The following CDK14 variants were observed in gnomAD, a reference collection of about 807,000 sequenced individuals.
CDK14 encodes the protein cyclin-dependent kinase 14.
Under a neutral mutation model 60.7 loss-of-function variants are expected in CDK14, and 34 were observed. The ratio of observed to expected loss-of-function variants is 0.56; its 90% confidence interval spans 0.43 to 0.75. The LOEUF is 0.75. Ranked by LOEUF, CDK14 falls within the 30% of genes least tolerant of loss-of-function variation. CDK14 has a pLI of 0.00. For missense variants in CDK14, 482 were observed against 564.1 expected (o/e 0.85, Z 1.47); for synonymous variants, 197 against 203.7 (o/e 0.97, Z 0.28).
At chr7:90,662,694 C>T (rs1800888450) in intron 2 of CDK14, among the ~76,000 whole-genome samples, 1 of 152,198 alleles carries the variant, frequency 6.6e-6, no homozygotes, top group African/African-American at 2.4e-5. Context: ...AGGTGCTATG[C>T]ACCATGAGCT....
chr7:91,203,826 C>G (rs1263228109), intron 14 of CDK14, among the ~76,000 whole-genome samples: 1 of 152,164 alleles, frequency 6.6e-6, no homozygotes, highest in Admixed American at 6.5e-5. Flanking sequence ...GCTTGAAGTA[C>G]TATGAGGATG....
intron 10 of CDK14, among the ~76,000 whole-genome samples, chr7:91,028,508 G>A (rs1365464130): frequency 6.6e-6 from 1 of 152,164 alleles, no homozygotes; most frequent in African/African-American, 2.4e-5. Context: ...TCTCTATACT[G>A]TATTCCATAG....
chr7:91,148,373 C>CA (rs939034695), intron 14 of CDK14, among the ~76,000 whole-genome samples: 16 of 151,190 alleles, frequency 1.1e-4, no homozygotes, highest in Non-Finnish European at 2.4e-4. Context: ...ACCCTGTCTC[C>CA]AAAAAAAAGG....
chr7:90,885,892 C>T (rs1270134995), intron 6 of CDK14, among the ~76,000 whole-genome samples: 1 of 152,120 alleles, frequency 6.6e-6, no homozygotes, highest in East Asian at 1.9e-4. Context: ...AAGAACAAAA[C>T]ACACCAGGGC....
chr7:90,988,417 A>ACT (rs1341143434), intron 10 of CDK14, among the ~76,000 whole-genome samples: 1 of 152,156 alleles, frequency 6.6e-6, no homozygotes, highest in Non-Finnish European at 1.5e-5. Flanking sequence ...CCAAGCAGTA[A>ACT]CTCTGCTCTT....
intron 4 of CDK14, among the ~76,000 whole-genome samples, chr7:90,779,369 CAGCATCCTAAGT>C (rs1418757613): frequency 6.6e-6 from 1 of 152,192 alleles, no homozygotes; most frequent in Non-Finnish European, 1.5e-5. Flanking sequence ...TCCCCGACCT[CAGCATCCTAAGT>C]AGCTGGGACT....
chr7:90,732,795 T>G lies in CDK14; in HGVS notation c.369+5983T>G, dbSNP rs184194745. On this transcript the variant is annotated intron_variant, in intron 3 of 14. Coordinates refer to ENST00000380050, the MANE Select transcript of CDK14 (RefSeq NM_001287135.2). Reference sequence around the variant, plus strand: ...GTTGATCTTTCAAAAAACCAGCTCCTGTATTCAGTGATGTTTTGAAGAGTT... The same window carrying G: ...GTTGATCTTTCAAAAAACCAGCTCCGGTATTCAGTGATGTTTTGAAGAGTT... Among the ~76,000 whole-genome samples the G allele has an allele frequency of 3.3e-3, 498 of 152,328 alleles. 3 individuals carry two copies. The highest frequency in any genetic ancestry group is 0.011 in the African/African-American group (472 of 41,578).
Position 90,882,616 on chromosome 7 carries a change from C to A in CDK14, c.640-16675C>A, listed in dbSNP as rs62468472. Among the ~76,000 whole-genome samples the A allele has an allele frequency of 4.4e-3, 672 of 152,290 alleles. 5 individuals are homozygous for A. Among genetic ancestry groups the A allele is most frequent in the Non-Finnish European group, 5.6e-3 (380 of 68,014 alleles). On this transcript the variant is annotated intron_variant, in intron 6 of 14. Transcript: ENST00000380050. ...AGACCTAGTAGATATCTACAGAACTCTCTACCCCAAATCAACAGAATGTAC... is the reference window on the plus strand; with the variant it reads ...AGACCTAGTAGATATCTACAGAACTATCTACCCCAAATCAACAGAATGTAC...
intron 10 of CDK14, among the ~76,000 whole-genome samples, chr7:91,000,883 C>G (rs1795816918): frequency 1.3e-5 from 2 of 152,168 alleles, no homozygotes; most frequent in Admixed American, 6.5e-5. Flanking sequence ...CAGTGCATTT[C>G]TAAATGCCTT....
rs116974884 is a variant in CDK14, at chr7:90,997,200, C to T, written c.1041+12959C>T. On this transcript the variant is annotated intron_variant, in intron 10 of 14. Coordinates refer to ENST00000380050, the MANE Select transcript of CDK14 (RefSeq NM_001287135.2). ...TGCCTTGCACTGCAGCTGTTTTGCTCTTATTCTCCTAATAGAGTTTAGGAT... is the reference window on the plus strand; with the variant it reads ...TGCCTTGCACTGCAGCTGTTTTGCTTTTATTCTCCTAATAGAGTTTAGGAT... Among the ~76,000 whole-genome samples, 1,513 of 152,268 alleles carry T rather than the reference C, an allele frequency of 9.9e-3. 8 individuals are homozygous for T. The highest frequency in any genetic ancestry group is 0.044 in the Middle Eastern group (13 of 294).
chr7:91,032,070 G>T (rs981177216), intron 10 of CDK14, among the ~76,000 whole-genome samples: 1 of 152,154 alleles, frequency 6.6e-6, no homozygotes, highest in Admixed American at 6.5e-5. Flanking sequence ...CTCATAAAGG[G>T]TCATACATCC....
intron 14 of CDK14, among the ~76,000 whole-genome samples, chr7:91,175,482 C>T (rs1171512233): frequency 6.6e-6 from 1 of 152,038 alleles, no homozygotes; most frequent in Non-Finnish European, 1.5e-5. Context: ...TGTAAATGGA[C>T]TAAATGCTCC....
chr7:90,729,037 T>A (rs1802745791), intron 3 of CDK14, among the ~76,000 whole-genome samples: 1 of 141,042 alleles, frequency 7.1e-6, no homozygotes, highest in Non-Finnish European at 1.5e-5. Context: ...TTTCTCATGA[T>A]TTTTTTTTTT....
chr7:90,710,785 T>G (rs947665279), intron 2 of CDK14, among the ~76,000 whole-genome samples: 2 of 152,064 alleles, frequency 1.3e-5, no homozygotes, highest in African/African-American at 4.8e-5. Context: ...AATTGAGAGA[T>G]AGGAATGTAA....
intron 3 of CDK14, among the ~76,000 whole-genome samples, chr7:90,737,609 A>G (rs1252584139): frequency 6.6e-6 from 1 of 152,156 alleles, no homozygotes; most frequent in Non-Finnish European, 1.5e-5. Flanking sequence ...GATCTATTTT[A>G]TAACCAAGTT....
intron 14 of CDK14, among the ~76,000 whole-genome samples, chr7:91,185,083 T>C (rs1802129143): frequency 6.7e-6 from 1 of 149,878 alleles, no homozygotes; most frequent in African/African-American, 2.5e-5. Flanking sequence ...TTTGTTCATG[T>C]ATTCAATTAC....
chr7:91,056,002 A>G (rs1048461845), intron 11 of CDK14, among the ~76,000 whole-genome samples: 5 of 152,180 alleles, frequency 3.3e-5, no homozygotes, highest in Admixed American at 2.0e-4. Flanking sequence ...CTAGGAATCT[A>G]TGCATTGTAT....
intron 10 of CDK14, among the ~76,000 whole-genome samples, chr7:90,995,374 G>A (rs545699563): frequency 1.3e-5 from 2 of 152,260 alleles, no homozygotes; most frequent in South Asian, 4.1e-4. Context: ...CACAGCCATG[G>A]TTAACACCTT....
At chr7:90,617,375 A>G (rs958874629) in intron 2 of CDK14, among the ~76,000 whole-genome samples, 5 of 152,224 alleles carry the variant, frequency 3.3e-5, no homozygotes, top group African/African-American at 1.2e-4. Flanking sequence ...AGGTACTACT[A>G]CTACAGGTGC....
Sources: gnomAD v4.1 joint callset for allele counts (sites outside exome capture counted in the v4.1 genomes callset) on GRCh38, gnomAD v4.1.1 for gene constraint, MANE v1.5 for transcripts, NCBI Gene and HGNC (gene_info 2026-07-23, HGNC 2026-07-21) for gene names.